THADA: variants seen among roughly 807,000 people sequenced by gnomAD.
THADA encodes THADA armadillo repeat containing, also known as tRNA (32-2'-O)-methyltransferase regulator THADA.
A neutral mutation model predicts 219.8 loss-of-function variants in THADA; 213 were observed. That is an observed-to-expected ratio of 0.97 (90% CI 0.87 to 1.09). The LOEUF is 1.09. Among genes scored for constraint, THADA ranks in the 50% least tolerant of loss-of-function variants. The pLI, the probability that THADA is intolerant of heterozygous loss-of-function variation, is 0.00. For missense variants in THADA, 2,956 were observed against 2,311.3 expected, an observed-to-expected ratio of 1.28 and a Z score of -5.72; for synonymous variants, 1,018 against 828.9, an observed-to-expected ratio of 1.23 and a Z score of -3.92.
intron 24 of THADA, among the ~76,000 whole-genome samples, chr2:43,503,283 T>C (rs1168646951): frequency 6.6e-6 from 1 of 152,144 alleles, no homozygotes; most frequent in Non-Finnish European, 1.5e-5. Flanking sequence ...TTGTTTGTAA[T>C]AGAAGAAAAC....
chr2:43,370,200 G>T (rs953390503), intron 29 of THADA: 5 of 152,220 alleles, frequency 3.3e-5, no homozygotes, highest in Non-Finnish European at 7.3e-5. Flanking sequence ...CTCTTGGCCT[G>T]AAAGAGCAAA....
intron 22 of THADA, among the ~76,000 whole-genome samples, chr2:43,519,572 C>A (rs899517083): frequency 1.3e-5 from 2 of 152,226 alleles, no homozygotes; most frequent in Admixed American, 1.3e-4. Context: ...ACATCCCTCT[C>A]TTACTTCCAC....
At chr2:43,282,368 C>T (rs1004134450) in intron 35 of THADA, among the ~76,000 whole-genome samples, 7 of 152,156 alleles carry the variant, frequency 4.6e-5, no homozygotes, top group Admixed American at 2.6e-4. Context: ...TTGAAGAAAA[C>T]GTTGTCTCCC....
intron 28 of THADA, among the ~76,000 whole-genome samples, chr2:43,425,224 T>C (rs1171376647): frequency 6.6e-6 from 1 of 152,280 alleles, no homozygotes; most frequent in Non-Finnish European, 1.5e-5. Context: ...ATGAGGGTGA[T>C]AACACCTCTT....
rs1699946541 is a variant in THADA at position 43,577,183 on chromosome 2, G to C, written c.876C>G (p.Ser292Arg). The C allele has an allele frequency of 6.2e-7, 1 of 1,607,062 alleles. No individual in the cohort carries two copies. The highest frequency in any genetic ancestry group is 8.5e-7 in the Non-Finnish European group (1 of 1,176,894). Residue 292 changes from serine to arginine, a missense_variant, in exon 10 of 38, where the codon AGC (serine) becomes AGG (arginine). Coordinates refer to ENST00000405975, the MANE Select transcript of THADA (RefSeq NM_022065.5). ...DCTSVPEWFM[S>R]SCRSLCCGDI... is the part of the protein sequence containing the mutation. ...CACCACAACAGAGGCTCCTGCAGCT[G>C]CTCATAAACCACTCGGGGACACTGG...
chr2:43,292,504 T>G (rs1674850868), intron 32 of THADA, among the ~76,000 whole-genome samples: 1 of 152,146 alleles, frequency 6.6e-6, no homozygotes, highest in Non-Finnish European at 1.5e-5. Context: ...TGCCCTGAAA[T>G]AGCCATGTCA....
intron 26 of THADA, among the ~76,000 whole-genome samples, chr2:43,441,122 C>A (rs7567535): frequency 1.3e-5 from 2 of 152,050 alleles, no homozygotes; most frequent in African/African-American, 2.4e-5. Flanking sequence ...CCTGATGGTG[C>A]GGACTTTGAA....
At chr2:43,566,437 TG>T in intron 15 of THADA, 1 of 714,256 alleles carries the variant, frequency 1.4e-6, no homozygotes, top group Non-Finnish European at 2.6e-6. Context: ...AGGTAATAGC[TG>T]GAACTCTTTC....
chr2:43,522,394 T>TG (rs1558905761), intron 22 of THADA, among the ~76,000 whole-genome samples: 1 of 152,080 alleles, frequency 6.6e-6, no homozygotes, highest in Non-Finnish European at 1.5e-5. Context: ...AATAATACAA[T>TG]GACCAAATCT....
chr2:43,407,538 A>T (rs1307065609), intron 28 of THADA, among the ~76,000 whole-genome samples: 1 of 152,182 alleles, frequency 6.6e-6, no homozygotes, highest in African/African-American at 2.4e-5. Flanking sequence ...TTAATTTTTC[A>T]GGTGATTATC....
intron 26 of THADA, among the ~76,000 whole-genome samples, chr2:43,438,595 A>G (rs1038787206): frequency 1.3e-5 from 2 of 152,198 alleles, no homozygotes; most frequent in African/African-American, 4.8e-5. Context: ...TCATCAACAA[A>G]ACATGAGTAA....
At chr2:43,338,427 G>A (rs932536047) in intron 30 of THADA, among the ~76,000 whole-genome samples, 1 of 152,074 alleles carries the variant, frequency 6.6e-6, no homozygotes, top group Non-Finnish European at 1.5e-5. Flanking sequence ...AAAGTGCTGC[G>A]ATAACAGCTC....
At chr2:43,482,330 C>T (rs902476263) in intron 26 of THADA, among the ~76,000 whole-genome samples, 2 of 152,084 alleles carry the variant, frequency 1.3e-5, no homozygotes, top group Admixed American at 6.5e-5. Flanking sequence ...ACAAAGGATC[C>T]TCTGCTCCTT....
chr2:43,256,752 T>A (rs1670356353), intron 36 of THADA, among the ~76,000 whole-genome samples: 1 of 151,786 alleles, frequency 6.6e-6, no homozygotes. Flanking sequence ...CTAATTTTCT[T>A]ATTTTTTGTA....
intron 30 of THADA, among the ~76,000 whole-genome samples, chr2:43,334,184 C>T (rs1422508393): frequency 1.3e-5 from 2 of 151,808 alleles, no homozygotes; most frequent in African/African-American, 2.4e-5. Flanking sequence ...GTAAGTAAGA[C>T]AGAAAAAGGA....
chr2:43,315,226 T>C (rs1316398813), intron 31 of THADA, among the ~76,000 whole-genome samples: 2 of 152,228 alleles, frequency 1.3e-5, no homozygotes, highest in African/African-American at 4.8e-5. Flanking sequence ...AACATATGTA[T>C]ATACACATAA....
intron 26 of THADA, among the ~76,000 whole-genome samples, chr2:43,466,080 C>T (rs773300446): frequency 7.2e-5 from 11 of 152,150 alleles, no homozygotes; most frequent in Non-Finnish European, 1.3e-4. Context: ...CCTTGTCTGC[C>T]TCATTTCCAA....
intron 35 of THADA, among the ~76,000 whole-genome samples, chr2:43,285,003 G>C (rs1673816351): frequency 6.6e-6 from 1 of 152,206 alleles, no homozygotes; most frequent in Admixed American, 6.5e-5. Flanking sequence ...TTTGGAATGG[G>C]AGCATTTACC....
chr2:43,281,395 T>G (rs556779788), intron 35 of THADA, among the ~76,000 whole-genome samples: 24 of 152,228 alleles, frequency 1.6e-4, no homozygotes, highest in Non-Finnish European at 3.1e-4. Context: ...ATTTTTCTTT[T>G]TCCTTAAATG....
Sources: allele counts gnomAD v4.1 joint callset (sites outside exome capture counted in the v4.1 genomes callset), GRCh38; gene constraint gnomAD v4.1.1; transcripts MANE v1.5; gene names NCBI Gene and HGNC (gene_info 2026-07-23, HGNC 2026-07-21).